Variants in MYO1G observed in about 807,000 individuals in gnomAD.
MYO1G encodes the protein unconventional myosin-Ig.
MYO1G carries 65 observed loss-of-function variants against 115.3 expected under a neutral mutation model. The ratio of observed to expected loss-of-function variants is 0.56; its 90% CI spans 0.46 to 0.69. The LOEUF (loss-of-function observed/expected upper bound fraction) is 0.69. Ranked by LOEUF, MYO1G falls within the 30% of genes least tolerant of loss-of-function variation. The pLI is 0.00. For synonymous variants in MYO1G, 510 were observed against 552.6 expected (o/e 0.92, Z 1.08); for missense variants, 1,204 against 1,393.5 (o/e 0.86, Z 2.16).
At chr7:44,975,135 C>T (rs771135038) in intron 5 of MYO1G, 39 bp downstream of exon 5, 2 of 1,607,886 alleles carry the variant, frequency 1.2e-6, no homozygotes, top group Non-Finnish European at 1.7e-6. Flanking sequence ...TCCCTTTCCC[C>T]ACCCCATTTT....
At position 44,971,178 on chromosome 7, in the gene MYO1G, C is replaced by G. The variant is rs192821267; in HGVS notation, c.847-119G>C. On this transcript the variant is annotated intron_variant, in intron 7 of 21. Coordinates refer to ENST00000258787, the MANE Select transcript of MYO1G (RefSeq NM_033054.3). The stretch of plus-strand genomic sequence containing the variant: ...TGGATGCGGTAGAGTACAGCTCCTT[C>G]TCAGACCAGCATGGTCAGCTGCTCA... The G allele has an allele frequency of 2.5e-4, 218 of 863,658 alleles. No homozygotes were observed. In the African/African-American group the frequency reaches 3.2e-3, roughly 13 times the overall value. The allele number at this position is 863,658 out of a possible 1,614,324, so 53.5% of individuals were successfully genotyped here. A position where few individuals can be genotyped will look rare whatever the true frequency, so the allele number is the denominator to read the frequency against.
chr7:44,971,480 G>A (rs530766958), intron 7 of MYO1G, among the ~76,000 whole-genome samples, 193 bp downstream of exon 7: 31 of 152,320 alleles, frequency 2.0e-4, no homozygotes, highest in African/African-American at 7.0e-4. Context: ...GGCTGACCTG[G>A]CCCTAAGAAT....
rs1171450367 is a variant in MYO1G, at chr7:44,966,387, C to A, written c.1950-107G>T. The A allele has an allele frequency of 2.8e-6, 3 of 1,053,450 alleles. No homozygotes were observed. In the African/African-American group the frequency reaches 4.7e-5, roughly 17 times the overall value. The allele number at this position is 1,053,450 out of a possible 1,614,324, so 65.3% of individuals were successfully genotyped here. ...AGATGGCAGGGATACAGAGTGTGTT[C>A]CTGGAGCACTTATGACACCTGTGCA... On this transcript the variant is annotated intron_variant, in intron 15 of 21. Coordinates refer to ENST00000258787, the MANE Select transcript of MYO1G (RefSeq NM_033054.3). The surrounding 1 kb of genome is among the most constrained non-coding windows in gnomAD (Gnocchi z 5.0).
At position 44,970,031 on chromosome 7, in the gene MYO1G, A is replaced by C; in HGVS notation, c.1332+9T>G. 1 of 1,612,552 alleles carries C rather than the reference A, an allele frequency of 6.2e-7. No homozygotes were observed. Among genetic ancestry groups the C allele is most frequent in the Non-Finnish European group, 8.5e-7 (1 of 1,178,926 alleles). ...ACTGCCTGGCCTCCCTCCAGGCCAC[A>C]GTGCTCACGCTCTGCCAGGTGATGC... On this transcript the variant is annotated intron_variant, in intron 10 of 21. Coordinates refer to ENST00000258787, the MANE Select transcript of MYO1G (RefSeq NM_033054.3).
chr7:44,970,591 C>G lies in MYO1G; in HGVS notation c.1217+1G>C. On this transcript the variant is annotated splice_donor_variant, in intron 9 of 21. Coordinates refer to ENST00000258787, the MANE Select transcript of MYO1G (RefSeq NM_033054.3). LOFTEE classifies it high-confidence loss of function. ...GGAGATGTGGCTGGCCAGCCACCCA[C>G]CTGTTGACGGGAAACACCTCGAAGC... 6.2e-7 allele frequency: 1 copy of G among 1,613,142 alleles called. No homozygotes were observed. Among genetic ancestry groups the G allele is most frequent in the Non-Finnish European group, 8.5e-7 (1 of 1,179,972 alleles).
chr7:44,976,832 A>G, intron 2 of MYO1G, 31 bp downstream of exon 2: 1 of 1,609,302 alleles, frequency 6.2e-7, no homozygotes, highest in East Asian at 2.2e-5. Flanking sequence ...GAAGATGCCG[A>G]GGGTGGGGGC....
Position 44,976,900 on chromosome 7 carries a change from C to T in MYO1G, c.267G>A (p.Met89Ile), listed in dbSNP as rs779019726. The change falls in exon 2 of 22, where the codon ATG becomes ATA. Residue 89 changes from methionine to isoleucine, a missense_variant. Transcript: ENST00000258787. Reference sequence around the variant, plus strand: ...TGCAGGTGTCCCTGGACCGGTGCTTCATTGCCTTGTAGGCGGCGTTGGCCA... The same window carrying T: ...TGCAGGTGTCCCTGGACCGGTGCTTTATTGCCTTGTAGGCGGCGTTGGCCA... The part of the protein sequence containing the change: ...YAVANAAYKA[M>I]KHRSRDTCIV... 2 of 1,613,558 alleles carry T rather than the reference C, an allele frequency of 1.2e-6. No individual in the cohort carries two copies. The highest frequency in any genetic ancestry group is 3.3e-5 in the Admixed American group (2 of 60,028).
Position 44,968,085 on chromosome 7 carries a change from C to T in MYO1G, c.1575-127G>A, listed in dbSNP as rs1320858886. 5 of 751,156 alleles carry T rather than the reference C, an allele frequency of 6.7e-6. No homozygotes were observed. In the East Asian group the frequency reaches 1.1e-4, roughly 16 times the overall value. 46.5% of individuals were successfully genotyped at this position (751,156 alleles called of 1,614,324 possible). A position where few individuals can be genotyped will look rare whatever the true frequency, so the allele number is the denominator to read the frequency against. The stretch of plus-strand genomic sequence containing the variant: ...CCCATAGGTCAGTCTCTCTTCCTCC[C>T]TCTGCCTTGGCTCCTCTCCTCCTTC... On this transcript the variant is annotated intron_variant, in intron 12 of 21. Transcript: ENST00000258787.
At position 44,963,100 on chromosome 7, in the gene MYO1G, C is replaced by T; in HGVS notation, c.2770G>A (p.Gly924Arg). 6.6e-7 allele frequency: 1 copy of T among 1,510,608 alleles called. No homozygotes were observed. The highest frequency in any genetic ancestry group is 8.8e-7 in the Non-Finnish European group (1 of 1,135,402). 93.6% of individuals were successfully genotyped at this position (1,510,608 alleles called of 1,614,324 possible). A position where few individuals can be genotyped will look rare whatever the true frequency, so the allele number is the denominator to read the frequency against. The change falls in exon 21 of 22, where the codon GGA (glycine) becomes AGA (arginine). Residue 924 changes from glycine to arginine, a missense_variant. Physicochemically the swap from Gly to Arg is moderately radical, Grantham distance 125. Coordinates refer to ENST00000258787, the MANE Select transcript of MYO1G (RefSeq NM_033054.3). The surrounding 1 kb of genome is among the most constrained non-coding windows in gnomAD (Gnocchi z 4.1). ...EAVTGLSVTS[G>R]GDQLVVLHAR... ...TGCAGCACCACCAGCTGGTCTCCTC[C>T]GCTGGTCACGCTCAGCCCCGTCACC...
rs761183049 is a variant in MYO1G, at chr7:44,970,126, T to G, written c.1246A>C (p.Asn416His). The G allele has an allele frequency of 6.2e-7, 1 of 1,613,960 alleles. No individual in the cohort carries two copies. The highest frequency in any genetic ancestry group is 1.1e-5 in the South Asian group (1 of 91,074). Residue 416 changes from asparagine to histidine, a missense_variant, in exon 10 of 22, where the codon AAC (asparagine) becomes CAC (histidine). Transcript: ENST00000258787. ...ATGAATAGCTGCTGCAGCTTCTCGT[T>G]GCAGTAGTTGATGCAGAACTGCTCG... ...SFEQFCINYC[N>H]EKLQQLFIQL...
intron 14 of MYO1G, among the ~76,000 whole-genome samples, chr7:44,967,378 C>T (rs1794865798): frequency 6.6e-6 from 1 of 152,214 alleles, no homozygotes; most frequent in Non-Finnish European, 1.5e-5. Context: ...CGAGGAGAAG[C>T]CTGGGTTCCC....
In MYO1G at chr7:44,969,952, A is replaced by C. The variant is rs1264321915; in HGVS notation, c.1333-77T>G. The C allele has an allele frequency of 6.3e-7, 1 of 1,588,088 alleles. No homozygotes were observed. The highest frequency in any genetic ancestry group is 1.3e-5 in the African/African-American group (1 of 74,466). On this transcript the variant is annotated intron_variant, in intron 10 of 21. Coordinates refer to ENST00000258787, the MANE Select transcript of MYO1G (RefSeq NM_033054.3). This position sits in a 1 kb window ranked among gnomAD's most constrained non-coding sequence, Gnocchi z 5.0. ...CCCCTCCTCCGCCCCACACTCAGCC[A>C]CCTGTCAGGCCAGCCCGGGCCCCTC...
At chr7:44,977,598 C>A (rs996217244) in intron 1 of MYO1G, among the ~76,000 whole-genome samples, 1 of 151,606 alleles carries the variant, frequency 6.6e-6, no homozygotes, top group African/African-American at 2.4e-5. Context: ...TGTCTTTACA[C>A]CCCCGACCCC....
intron 12 of MYO1G, chr7:44,968,789 G>A (rs1794898594): frequency 6.5e-6 from 1 of 152,990 alleles, no homozygotes; most frequent in Non-Finnish European, 1.5e-5. Context: ...ACAGGCATGA[G>A]CGACCTCATG....
intron 6 of MYO1G, 102 bp downstream of exon 6, chr7:44,972,013 T>C (rs1321595885): frequency 1.0e-6 from 1 of 977,542 alleles, no homozygotes. Flanking sequence ...CGCAAACAGT[T>C]CACTTCACCC....
In MYO1G at chr7:44,966,393, G is replaced by A. The variant is rs1794844881; in HGVS notation, c.1950-113C>T. ...CAGGGATACAGAGTGTGTTCCTGGA[G>A]CACTTATGACACCTGTGCACATATG... On this transcript the variant is annotated intron_variant, in intron 15 of 21. Transcript: ENST00000258787. This position sits in a 1 kb window ranked among gnomAD's most constrained non-coding sequence, Gnocchi z 5.0. 2.0e-6 allele frequency: 2 copies of A among 1,005,014 alleles called. No individual in the cohort carries two copies. Among genetic ancestry groups the A allele is most frequent in the East Asian group, 2.6e-5 (1 of 38,330 alleles). The allele number at this position is 1,005,014 out of a possible 1,614,324, so 62.3% of individuals were successfully genotyped here.
rs1794800397 is a variant in MYO1G at position 44,964,324 on chromosome 7, G to T, written c.2631+91C>A. The T allele has an allele frequency of 7.2e-7, 1 of 1,386,880 alleles. No individual in the cohort carries two copies. The highest frequency in any genetic ancestry group is 1.0e-6 in the Non-Finnish European group (1 of 977,430). The allele number at this position is 1,386,880 out of a possible 1,614,324, so 85.9% of individuals were successfully genotyped here. A position where few individuals can be genotyped will look rare whatever the true frequency, so the allele number is the denominator to read the frequency against. Reference sequence around the variant, plus strand: ...GGGTTGCCTCCATTTTCTCCCAAGTGCCCCCCCAAAACTCTGCACCAGCTT... The same window carrying T: ...GGGTTGCCTCCATTTTCTCCCAAGTTCCCCCCCAAAACTCTGCACCAGCTT... On this transcript the variant is annotated intron_variant, in intron 19 of 21. Transcript: ENST00000258787. This position sits in a 1 kb window ranked among gnomAD's most constrained non-coding sequence, Gnocchi z 5.1.
At chr7:44,978,536 C>T (rs1036298826) in intron 1 of MYO1G, among the ~76,000 whole-genome samples, 2 of 152,202 alleles carry the variant, frequency 1.3e-5, no homozygotes, top group African/African-American at 4.8e-5. Context: ...ATGTATCTGT[C>T]CAAGAAGTGT....
chr7:44,975,739 C>A, intron 3 of MYO1G, 90 bp from the exon 4 acceptor site: 1 of 1,368,416 alleles, frequency 7.3e-7, no homozygotes. Flanking sequence ...ACAGAAATCA[C>A]AGCATCTCAG....
Sources: allele counts gnomAD v4.1 joint callset (sites outside exome capture counted in the v4.1 genomes callset), GRCh38; gene constraint gnomAD v4.1.1; non-coding constraint Gnocchi (gnomAD v3.1); transcripts MANE v1.5; gene names NCBI Gene and HGNC (gene_info 2026-07-23, HGNC 2026-07-21).